The following KNTC1 variants were observed in gnomAD, a reference collection of about 807,000 sequenced individuals.
KNTC1 encodes kinetochore associated 1, also known as kinetochore-associated protein 1.
Under a neutral mutation model 314.4 loss-of-function variants are expected in KNTC1, and 253 were observed. The observed-to-expected ratio is 0.80, with a 90% CI of 0.73 to 0.89. KNTC1 has a LOEUF of 0.89. KNTC1 is among the 40% of genes least tolerant of loss of function. The probability of loss-of-function intolerance (pLI) is 0.00; values close to 1 mark genes in which losing one functional copy is unlikely to be tolerated. For synonymous variants in KNTC1, 901 were observed against 901.4 expected (o/e 1.00, Z 0.01); for missense variants, 2,475 against 2,572.9 (o/e 0.96, Z 0.82).
intron 16 of KNTC1, among the ~76,000 whole-genome samples, chr12:122,556,232 G>T (rs1229895647): frequency 1.3e-5 from 2 of 151,290 alleles, no homozygotes; most frequent in African/African-American, 4.9e-5. Context: ...TGCTCAAGCT[G>T]GTCTTGAACT....
At chr12:122,605,211 G>A (rs373283277) in intron 50 of KNTC1, 95 bp from the exon 51 acceptor site, 9 of 960,066 alleles carry the variant, frequency 9.4e-6, no homozygotes, top group African/African-American at 1.8e-5. Context: ...ATACTTATAT[G>A]TGTATGTATG....
chr12:122,547,595 T>C (rs909658219), intron 11 of KNTC1, 65 bp downstream of exon 11: 2 of 1,009,694 alleles, frequency 2.0e-6, no homozygotes, highest in African/African-American at 3.2e-5. Context: ...TGTCTGGTTT[T>C]GTTCAGGTCA....
At chr12:122,566,762 T>G (rs1213323471) in intron 20 of KNTC1, among the ~76,000 whole-genome samples, 1 of 141,244 alleles carries the variant, frequency 7.1e-6, no homozygotes, top group Non-Finnish European at 1.5e-5. Flanking sequence ...AGGCTGGTTT[T>G]TTTTTTTTTT....
Position 122,562,502 on chromosome 12 carries a change from TC to T in KNTC1, c.1543-134del, listed in dbSNP as rs1964044096. Reference sequence around the variant, plus strand: ...GTGTATGTGTGTGAAATAAAGGCAGTCCTATGGGAATTGAGTTGTGATGTGA... The same window carrying T: ...GTGTATGTGTGTGAAATAAAGGCAGTCTATGGGAATTGAGTTGTGATGTGA... On this transcript the variant is annotated intron_variant, in intron 19 of 63. Coordinates refer to ENST00000333479, the MANE Select transcript of KNTC1 (RefSeq NM_014708.6). The T allele has an allele frequency of 1.2e-5, 7 of 583,490 alleles. No homozygotes were observed. The Admixed American group carries it at 1.7e-4, about 14-fold the overall frequency. The allele number at this position is 583,490 out of a possible 1,614,324, so 36.1% of individuals were successfully genotyped here. A position where few individuals can be genotyped will look rare whatever the true frequency, so the allele number is the denominator to read the frequency against.
chr12:122,533,592 G>T (rs984291921), intron 2 of KNTC1, among the ~76,000 whole-genome samples: 4 of 152,102 alleles, frequency 2.6e-5, no homozygotes, highest in Admixed American at 1.3e-4. Flanking sequence ...AGCTACTTGG[G>T]TTGGGGAGGC....
chr12:122,534,517 C>T, intron 2 of KNTC1, 147 bp from the exon 3 acceptor site: 7 of 699,414 alleles, frequency 1.0e-5, no homozygotes, highest in South Asian at 1.9e-5. Context: ...AAGAAAAACT[C>T]GATGATTAAT....
At chr12:122,565,719 A>G (rs1964283492) in intron 20 of KNTC1, among the ~76,000 whole-genome samples, 1 of 151,864 alleles carries the variant, frequency 6.6e-6, no homozygotes, top group South Asian at 2.1e-4. Flanking sequence ...CCCTGTCTCT[A>G]CATAAAATAC....
At chr12:122,594,534 A>G in intron 43 of KNTC1, 149 bp downstream of exon 43, 2 of 598,256 alleles carry the variant, frequency 3.3e-6, no homozygotes, top group Non-Finnish European at 2.9e-6. Context: ...ATGAAATCAG[A>G]TTAGAGTCTC....
At chr12:122,563,635 G>A (rs1204126215) in intron 20 of KNTC1, 2 of 535,188 alleles carry the variant, frequency 3.7e-6, no homozygotes, top group East Asian at 4.5e-5. Flanking sequence ...CTAGCAGCGA[G>A]AAGGGCAGAT....
intron 42 of KNTC1, chr12:122,593,527 T>G (rs1870618037): frequency 6.6e-6 from 1 of 152,340 alleles, no homozygotes; most frequent in African/African-American, 2.4e-5. Context: ...CCTCCCAAAG[T>G]GCTGGGATTA....
intron 2 of KNTC1, among the ~76,000 whole-genome samples, chr12:122,531,319 G>A (rs1565923914): frequency 6.6e-6 from 1 of 151,950 alleles, no homozygotes; most frequent in African/African-American, 2.4e-5. Context: ...AAATTCTCCT[G>A]TCTCAATTTC....
chr12:122,584,939 T>C lies in KNTC1; in HGVS notation c.3483T>C (p.Ala1161=). ...AACTATGTAAACATACTTTAATGGC[T>C]GTAGAGCTTTCCAGACAATGCCAAA... ...ALELCKHTLM[A]VELSRQCQMD... is the part of the protein sequence containing the mutation. The change falls in exon 36 of 64, where the codon GCT becomes GCC. Residue 1161 remains alanine, a synonymous_variant. Transcript: ENST00000333479. 1 of 1,605,986 alleles carries C rather than the reference T, an allele frequency of 6.2e-7. No individual in the cohort carries two copies. The highest frequency in any genetic ancestry group is 2.2e-5 in the East Asian group (1 of 44,856).
intron 43 of KNTC1, among the ~76,000 whole-genome samples, chr12:122,596,329 C>T (rs991337958): frequency 1.4e-4 from 21 of 151,932 alleles, no homozygotes; most frequent in African/African-American, 4.1e-4. Context: ...GCAATCCACC[C>T]GTCTCGACCT....
Position 122,551,616 on chromosome 12 carries a change from A to C in KNTC1, c.1197-5A>C. On this transcript the variant is annotated splice_region_variant and splice_polypyrimidine_tract_variant and intron_variant, in intron 15 of 63. Transcript: ENST00000333479. ...TTTAACAAAATTTCTCTTCCAACTT[A>C]ACAGATTGAGTCGGTTACTTCACAA... The C allele has an allele frequency of 6.2e-7, 1 of 1,613,322 alleles. No homozygotes were observed. The highest frequency in any genetic ancestry group is 8.5e-7 in the Non-Finnish European group (1 of 1,179,402).
Position 122,534,704 on chromosome 12 carries a change from A to G in KNTC1, c.170A>G (p.Asp57Gly). 2.5e-6 allele frequency: 4 copies of G among 1,611,200 alleles called. No homozygotes were observed. The highest frequency in any genetic ancestry group is 3.4e-6 in the Non-Finnish European group (4 of 1,178,146). ...AAGATACAGGCATGCAGCTTAAGTG[A>G]TGGGTTTATTATTGTAGCCGACCAA... is the stretch of plus-strand genomic sequence containing the variant. Reference protein sequence around the residue: ...NPKIQACSLSDGFIIVADQSV... With the variant: ...NPKIQACSLSGGFIIVADQSV... The change falls in exon 3 of 64, where the codon GAT becomes GGT. Residue 57 changes from aspartate to glycine, a missense_variant. Asp to Gly is a moderately conservative substitution (Grantham distance 94). Coordinates refer to ENST00000333479, the MANE Select transcript of KNTC1 (RefSeq NM_014708.6).
chr12:122,536,521 CTTTT>C (rs77728043), intron 3 of KNTC1, among the ~76,000 whole-genome samples: 1 of 140,446 alleles, frequency 7.1e-6, no homozygotes, highest in South Asian at 2.3e-4. Context: ...CGTGCCAGGC[CTTTT>C]TTTTTTTTTT....
chr12:122,610,690 C>T (rs1449342097), intron 52 of KNTC1, 132 bp from the exon 53 acceptor site: 2 of 619,956 alleles, frequency 3.2e-6, no homozygotes, highest in Non-Finnish European at 5.7e-6. Flanking sequence ...GCGCAAATGT[C>T]ATTGACCCAT....
chr12:122,570,200 G>A (rs911378587), intron 22 of KNTC1, among the ~76,000 whole-genome samples: 3 of 151,982 alleles, frequency 2.0e-5, no homozygotes, highest in African/African-American at 7.2e-5. Context: ...GGTGGGGATG[G>A]TTAATGCATA....
intron 2 of KNTC1, among the ~76,000 whole-genome samples, chr12:122,534,435 C>T (rs1400533190): frequency 6.6e-6 from 1 of 152,156 alleles, no homozygotes; most frequent in African/African-American, 2.4e-5. Context: ...CATGAGAATC[C>T]TTTGCCCTTC....
Sources: allele counts gnomAD v4.1 joint callset (sites outside exome capture counted in the v4.1 genomes callset), GRCh38; gene constraint gnomAD v4.1.1; transcripts MANE v1.5; gene names NCBI Gene and HGNC (gene_info 2026-07-23, HGNC 2026-07-21).